The following MEGF11 variants were observed in gnomAD, a reference collection of about 807,000 sequenced individuals.
MEGF11 encodes the protein multiple EGF like domains 11, also known as multiple epidermal growth factor-like domains protein 11.
MEGF11 carries 126 observed loss-of-function variants against 146.6 expected under a neutral mutation model. The ratio of observed to expected loss-of-function variants is 0.86; its 90% CI spans 0.74 to 1.00. The LOEUF is 1.00. Ranked by LOEUF, MEGF11 falls within the 50% of genes least tolerant of loss-of-function variation. The probability of loss-of-function intolerance (pLI) is 0.00; values close to 1 mark genes in which losing one functional copy is unlikely to be tolerated. For missense variants in MEGF11, 1,509 were observed against 1,521.2 expected (o/e 0.99, Z 0.13); for synonymous variants, 532 against 583.4 (o/e 0.91, Z 1.27).
chr15:66,194,192 G>T (rs1358012977), intron 1 of MEGF11, among the ~76,000 whole-genome samples: 1 of 152,210 alleles, frequency 6.6e-6, no homozygotes, highest in African/African-American at 2.4e-5. Flanking sequence ...AATGGCATTT[G>T]CAGCAACCTG....
At chr15:65,948,456 CATT>C in intron 10 of MEGF11, among the ~76,000 whole-genome samples, 1 of 152,262 alleles carries the variant, frequency 6.6e-6, no homozygotes, top group East Asian at 1.9e-4. Context: ...GAAGGGCTGG[CATT>C]ATTAATCCAT....
chr15:65,949,177 T>G (rs1363148196), intron 10 of MEGF11, among the ~76,000 whole-genome samples: 1 of 152,174 alleles, frequency 6.6e-6, no homozygotes, highest in African/African-American at 2.4e-5. Flanking sequence ...AGTTCCAGCT[T>G]AGGAGCCACC....
chr15:66,004,818 G>T (rs554074117), intron 5 of MEGF11, among the ~76,000 whole-genome samples: 1 of 152,106 alleles, frequency 6.6e-6, no homozygotes, highest in African/African-American at 2.4e-5. Context: ...CAGGGCTAGC[G>T]TATTTCTGCA....
intron 4 of MEGF11, among the ~76,000 whole-genome samples, chr15:66,116,444 ACTCTAAGT>A (rs1183975978): frequency 1.3e-5 from 2 of 151,842 alleles, no homozygotes; most frequent in African/African-American, 4.8e-5. Flanking sequence ...CCTGTAGCAT[ACTCTAAGT>A]CCCCTCCTTT....
intron 5 of MEGF11, among the ~76,000 whole-genome samples, chr15:66,079,539 C>A (rs117273652): frequency 3.3e-5 from 4 of 122,598 alleles, no homozygotes; most frequent in African/African-American, 8.5e-5. Context: ...TCATTCACAC[C>A]CCCCCCCCCA....
intron 1 of MEGF11, among the ~76,000 whole-genome samples, chr15:66,200,065 C>T (rs1297796016): frequency 6.6e-6 from 1 of 152,128 alleles, no homozygotes; most frequent in Non-Finnish European, 1.5e-5. Flanking sequence ...ACGGTATAAC[C>T]TCAACTATGA....
chr15:66,065,608 C>T (rs1442779961), intron 5 of MEGF11, among the ~76,000 whole-genome samples: 1 of 152,154 alleles, frequency 6.6e-6, no homozygotes, highest in East Asian at 1.9e-4. Flanking sequence ...ACTGAGGTGC[C>T]CTTGAAGTCC....
intron 8 of MEGF11, among the ~76,000 whole-genome samples, chr15:65,968,645 A>C (rs991649707): frequency 2.0e-5 from 3 of 152,186 alleles, no homozygotes; most frequent in African/African-American, 7.2e-5. Flanking sequence ...AATTTTACAC[A>C]AAGCATGCTA....
chr15:66,200,972 G>A (rs1026673), intron 1 of MEGF11, among the ~76,000 whole-genome samples: 39,965 of 151,758 alleles, frequency 0.26, 5,883 homozygotes, highest in East Asian at 0.59. Context: ...ATTCAGACAC[G>A]AGCCCAAGGC....
At chr15:66,020,160 T>A (rs1357681297) in intron 5 of MEGF11, among the ~76,000 whole-genome samples, 4 of 152,244 alleles carry the variant, frequency 2.6e-5, no homozygotes, top group Non-Finnish European at 2.9e-5. Context: ...ATCATTCAAT[T>A]TCCTGGTCGC....
rs1305861844 is a variant in MEGF11 at position 65,913,773 on chromosome 15, C to T, written c.2674G>A (p.Ala892Thr). 6.2e-7 allele frequency: 1 copy of T among 1,613,512 alleles called. No homozygotes were observed. Among genetic ancestry groups the T allele is most frequent in the Non-Finnish European group, 8.5e-7 (1 of 1,179,700 alleles). Residue 892 changes from alanine (A) to threonine (T), a missense_variant, in exon 20 of 26, where the codon GCC becomes ACC. By Grantham distance (58) the Ala-to-Thr change is moderately conservative (BLOSUM62 0). Coordinates refer to ENST00000395614, the MANE Select transcript of MEGF11 (RefSeq NM_001385028.1). ...TAGTCGGTGCTGGTCATCCTCATGGCAGGTGTGTAGGAGACACGGGGAGCC... is the reference window on the plus strand; with the variant it reads ...TAGTCGGTGCTGGTCATCCTCATGGTAGGTGTGTAGGAGACACGGGGAGCC... ...DLAPRVSYTP[A>T]MRMTSTDYSL...
chr15:66,063,857 T>C (rs1032753745), intron 5 of MEGF11, among the ~76,000 whole-genome samples: 1 of 152,218 alleles, frequency 6.6e-6, no homozygotes, highest in African/African-American at 2.4e-5. Flanking sequence ...GCTGGGAGCA[T>C]GTACTTCTTA....
At position 66,077,694 on chromosome 15, in the gene MEGF11, G is replaced by T. The variant is rs573831005; in HGVS notation, c.394+16708C>A. On this transcript the variant is annotated intron_variant, in intron 5 of 25. Coordinates refer to ENST00000395614, the MANE Select transcript of MEGF11 (RefSeq NM_001385028.1). ...TGCATGAAGAGGCCTCAGGGGATAC[G>T]GGTGAGAGGGAGACAAACACAATCA... 3.3e-5 allele frequency among the ~76,000 whole-genome samples: 5 copies of T among 152,336 alleles called. No individual in the cohort carries two copies. In the South Asian group the frequency reaches 1.0e-3, roughly 32 times the overall value.
intron 13 of MEGF11, among the ~76,000 whole-genome samples, chr15:65,927,987 C>T (rs1471620448): frequency 6.6e-6 from 1 of 152,158 alleles, no homozygotes; most frequent in Non-Finnish European, 1.5e-5. Flanking sequence ...AAGGCAGTGC[C>T]AGATGCGGGA....
chr15:65,905,241 A>C (rs908561962), intron 24 of MEGF11: 2 of 152,208 alleles, frequency 1.3e-5, no homozygotes, highest in Non-Finnish European at 2.9e-5. Flanking sequence ...GCCCCATTAC[A>C]TTAGTACCAC....
intron 3 of MEGF11, among the ~76,000 whole-genome samples, chr15:66,120,518 C>A (rs982110164): frequency 2.0e-5 from 3 of 152,208 alleles, no homozygotes; most frequent in Non-Finnish European, 4.4e-5. Flanking sequence ...CCATGGAGGG[C>A]CAGGCCAGCT....
intron 3 of MEGF11, among the ~76,000 whole-genome samples, chr15:66,119,993 A>G (rs1446681662): frequency 1.3e-5 from 2 of 151,892 alleles, no homozygotes; most frequent in African/African-American, 4.8e-5. Flanking sequence ...CTTTTATTCT[A>G]TTTTTTTATG....
chr15:65,965,609 T>TCTTTCTTTCTTTCTTTTCTTTCTTTTC (rs1567180128), intron 8 of MEGF11, among the ~76,000 whole-genome samples: 1 of 80,364 alleles, frequency 1.2e-5, no homozygotes, highest in Non-Finnish European at 2.8e-5. Flanking sequence ...TCTTTTTTTT[T>TCTTTCTTTCTTTCTTTTCTTTCTTTTC]TTTCTTTTTT....
chr15:66,212,341 A>T (rs10152272), intron 1 of MEGF11, among the ~76,000 whole-genome samples: 78,522 of 151,968 alleles, frequency 0.52, 20,636 homozygotes, highest in Non-Finnish European at 0.55. Flanking sequence ...GCACCCACCT[A>T]TCATCTCTCC....
Sources: allele counts gnomAD v4.1 joint callset (sites outside exome capture counted in the v4.1 genomes callset), GRCh38; gene constraint gnomAD v4.1.1; transcripts MANE v1.5; gene names NCBI Gene and HGNC (gene_info 2026-07-23, HGNC 2026-07-21).